Variants in TSC22D3 observed in about 807,000 individuals in gnomAD.
TSC22D3 encodes the protein TSC22 domain family protein 3.
Under a neutral mutation model 11.1 loss-of-function variants are expected in TSC22D3, and 4 were observed. The observed-to-expected ratio is 0.36, with a 90% CI of 0.18 to 0.83. TSC22D3 has a LOEUF of 0.83. TSC22D3 is among the 40% of genes least tolerant of loss of function. The probability of loss-of-function intolerance (pLI) is 0.48; values close to 1 mark genes in which losing one functional copy is unlikely to be tolerated. For missense variants in TSC22D3, 118 were observed against 159.4 expected, an observed-to-expected ratio of 0.74 and a Z score of 1.40; for synonymous variants, 77 against 70.3, an observed-to-expected ratio of 1.10 and a Z score of -0.48.
intron 1 of TSC22D3, among the ~76,000 whole-genome samples, chrX:107,731,333 G>A (rs1487346601): frequency 8.9e-6 from 1 of 111,915 alleles, no homozygotes; most frequent in Non-Finnish European, 1.9e-5. Context: ...CACTGGAATA[G>A]TAGTCAGGAA....
At chrX:107,714,899 C>T in intron 2 of TSC22D3, 150 bp from the exon 3 acceptor site, 2 of 511,961 alleles carry the variant, frequency 3.9e-6, no homozygotes, top group South Asian at 6.3e-5. Context: ...AGTCCAATTC[C>T]TCGTTCACCT....
chrX:107,744,843 C>T (rs1045583427), intron 1 of TSC22D3, among the ~76,000 whole-genome samples: 2 of 111,919 alleles, frequency 1.8e-5, no homozygotes, highest in Admixed American at 9.5e-5. Context: ...TCTAACTTGA[C>T]CCAAAGCTTC....
intron 1 of TSC22D3, among the ~76,000 whole-genome samples, chrX:107,755,267 A>G (rs1929124056): frequency 8.9e-6 from 1 of 112,852 alleles, no homozygotes; most frequent in Non-Finnish European, 1.9e-5. Flanking sequence ...AGAGAGCAGA[A>G]GTTGTTAAAC....
At chrX:107,732,273 C>G (rs1426231451) in intron 1 of TSC22D3, among the ~76,000 whole-genome samples, 4 of 109,588 alleles carry the variant, frequency 3.7e-5, no homozygotes, top group African/African-American at 1.3e-4. Flanking sequence ...AAGGACTCAG[C>G]ACTGGGGCCC....
chrX:107,743,597 G>C (rs1366825065), intron 1 of TSC22D3, among the ~76,000 whole-genome samples: 7 of 112,478 alleles, frequency 6.2e-5, no homozygotes, highest in Middle Eastern at 4.6e-3. Context: ...CAGGATGCTT[G>C]TGTGGTGCAG....
intron 1 of TSC22D3, among the ~76,000 whole-genome samples, chrX:107,747,656 T>C (rs755395493): frequency 4.4e-5 from 5 of 113,203 alleles, no homozygotes; most frequent in Non-Finnish European, 7.5e-5. Context: ...GCACCTACTG[T>C]GCATGGAGCA....
At chrX:107,763,616 G>A (rs1035794982) in intron 1 of TSC22D3, among the ~76,000 whole-genome samples, 5 of 111,669 alleles carry the variant, frequency 4.5e-5, no homozygotes, top group African/African-American at 1.6e-4. Context: ...GAAGCTCTGT[G>A]CCCCACTGCC....
intron 1 of TSC22D3, among the ~76,000 whole-genome samples, chrX:107,764,365 T>C (rs1929567825): frequency 8.9e-6 from 1 of 112,082 alleles, no homozygotes; most frequent in Non-Finnish European, 1.9e-5. Flanking sequence ...AGAGTACTGG[T>C]GGGAAAGGAT....
intron 1 of TSC22D3, among the ~76,000 whole-genome samples, chrX:107,754,254 G>A (rs1292401380): frequency 1.8e-5 from 2 of 111,456 alleles, no homozygotes; most frequent in Non-Finnish European, 3.8e-5. Context: ...TAGACATGAT[G>A]TTTCTCCTAC....
In TSC22D3 at chrX:107,715,898, C is replaced by T. The variant is rs1277980851; in HGVS notation, c.372+1G>A. On this transcript the variant is annotated splice_donor_variant, in intron 2 of 2. Coordinates refer to ENST00000372383, the MANE Select transcript of TSC22D3 (RefSeq NM_198057.3). LOFTEE classifies it high-confidence loss of function. Reference sequence around the variant, plus strand: ...GAGAATGACGCAGTGATGCCACTCACCATGGCCTGTTCGATCTTGTTGTCT... The same window carrying T: ...GAGAATGACGCAGTGATGCCACTCATCATGGCCTGTTCGATCTTGTTGTCT... 8.3e-7 allele frequency: 1 copy of T among 1,211,545 alleles called. No individual in the cohort carries two copies. Among genetic ancestry groups the T allele is most frequent in the East Asian group, 3.0e-5 (1 of 33,843 alleles).
At chrX:107,719,183 G>A (rs1445961394) in intron 1 of TSC22D3, among the ~76,000 whole-genome samples, 3 of 111,955 alleles carry the variant, frequency 2.7e-5, no homozygotes, top group African/African-American at 9.8e-5. Flanking sequence ...ACAGGGCACA[G>A]GACAGAAGTA....
chrX:107,724,796 C>G (rs1399280931), intron 1 of TSC22D3, among the ~76,000 whole-genome samples: 1 of 112,750 alleles, frequency 8.9e-6, no homozygotes, highest in Non-Finnish European at 1.9e-5. Flanking sequence ...AGTCCTGGCA[C>G]TGCCAGAAGC....
At chrX:107,728,736 G>T (rs1356031789) in intron 1 of TSC22D3, among the ~76,000 whole-genome samples, 1 of 112,441 alleles carries the variant, frequency 8.9e-6, no homozygotes, top group Non-Finnish European at 1.9e-5. Context: ...GTCACCCTTG[G>T]GTTTGAAGTC....
intron 1 of TSC22D3, among the ~76,000 whole-genome samples, chrX:107,770,871 C>T (rs1323567412): frequency 8.9e-6 from 1 of 112,374 alleles, no homozygotes; most frequent in Non-Finnish European, 1.9e-5. Flanking sequence ...TTGGAAACTT[C>T]TGCTGTTTGC....
intron 1 of TSC22D3, among the ~76,000 whole-genome samples, chrX:107,717,677 G>A (rs1401247274): frequency 8.9e-6 from 1 of 112,551 alleles, no homozygotes; most frequent in South Asian, 3.6e-4. Context: ...TGACATGCAT[G>A]TAATGCATGC....
chrX:107,715,074 A>G (rs1926938915), intron 2 of TSC22D3, among the ~76,000 whole-genome samples: 1 of 112,046 alleles, frequency 8.9e-6, no homozygotes, highest in African/African-American at 3.3e-5. Flanking sequence ...GCTGTTTGCC[A>G]GTGGTTTGCT....
intron 1 of TSC22D3, among the ~76,000 whole-genome samples, chrX:107,732,840 G>A (rs1927948431): frequency 9.0e-6 from 1 of 111,542 alleles, no homozygotes; most frequent in South Asian, 3.7e-4. Context: ...GCTCACACCT[G>A]TAATCTCAGA....
chrX:107,759,992 G>A (rs148310513), intron 1 of TSC22D3, among the ~76,000 whole-genome samples: 13 of 112,621 alleles, frequency 1.2e-4, no homozygotes, highest in Admixed American at 2.8e-4. Context: ...TGCTGCCCTC[G>A]GGATCTTCTG....
chrX:107,760,853 A>G (rs1929406293), intron 1 of TSC22D3, among the ~76,000 whole-genome samples: 1 of 112,268 alleles, frequency 8.9e-6, no homozygotes, highest in Non-Finnish European at 1.9e-5. Context: ...GTGAATGAAG[A>G]AAGTTGAGAG....
Sources: allele counts gnomAD v4.1 joint callset (sites outside exome capture counted in the v4.1 genomes callset), GRCh38; gene constraint gnomAD v4.1.1; transcripts MANE v1.5; gene names NCBI Gene and HGNC (gene_info 2026-07-23, HGNC 2026-07-21).